The following TSC22D1 variants were observed in gnomAD, a reference collection of about 807,000 sequenced individuals.
TSC22D1 encodes the protein TSC22 domain family member 1, also known as TSC22 domain family protein 1.
In TSC22D1, 9 loss-of-function variants were observed where a neutral mutation model predicts 74.2. The ratio of observed to expected loss-of-function variants is 0.12; its 90% confidence interval spans 0.07 to 0.21. The LOEUF (loss-of-function observed/expected upper bound fraction) is 0.21, where lower values mean the gene tolerates loss of function less well. Among genes scored for constraint, TSC22D1 ranks in the 10% least tolerant of loss-of-function variants. The pLI, the probability that TSC22D1 is intolerant of heterozygous loss-of-function variation, is 1.00. For missense variants in TSC22D1, 1,427 were observed against 1,304.7 expected, an observed-to-expected ratio of 1.09 and a Z score of -1.44; for synonymous variants, 586 against 492.5, an observed-to-expected ratio of 1.19 and a Z score of -2.51.
chr13:44,475,067 G>C (rs1266477520), intron 1 of TSC22D1, among the ~76,000 whole-genome samples: 1 of 151,850 alleles, frequency 6.6e-6, no homozygotes, highest in African/African-American at 2.4e-5. Flanking sequence ...TGTTCCAGAA[G>C]GTAGACAAGA....
At chr13:44,467,450 AACAG>A (rs1223499970) in intron 1 of TSC22D1, among the ~76,000 whole-genome samples, 7 of 152,218 alleles carry the variant, frequency 4.6e-5, no homozygotes, top group Non-Finnish European at 7.3e-5. Context: ...TAACAGAGTA[AACAG>A]ACAAACTACA....
chr13:44,487,939 TC>T (rs1420441603), intron 1 of TSC22D1, among the ~76,000 whole-genome samples: 1 of 152,024 alleles, frequency 6.6e-6, no homozygotes, highest in African/African-American at 2.4e-5. Context: ...ACGCCTGTAA[TC>T]CCAGTTATTT....
In TSC22D1 at chr13:44,521,282, GTGA is replaced by G. The variant is rs538345306; in HGVS notation, c.2912+51878_2912+51880del. Among the ~76,000 whole-genome samples, 577 of 152,222 alleles carry G rather than the reference GTGA, an allele frequency of 3.8e-3. 2 individuals are homozygous for G. The highest frequency in any genetic ancestry group is 6.8e-3 in the Middle Eastern group (2 of 294). ...GCTAAGAAACCTAGGCAATTCCATT[GTGA>G]TGATGTCAAACACAGTGAAAGCTTT... is the stretch of plus-strand genomic sequence containing the variant. On this transcript the variant is annotated intron_variant, in intron 1 of 2. Coordinates refer to ENST00000458659, the MANE Select transcript of TSC22D1 (RefSeq NM_183422.4).
chr13:44,576,744 G>A (rs1566191565), upstream of TSC22D1, among the ~76,000 whole-genome samples: 1 of 151,404 alleles, frequency 6.6e-6, no homozygotes, highest in Non-Finnish European at 1.5e-5. Context: ...TGCGAGCGGG[G>A]CGGCGGCGAG....
At chr13:44,500,150 CCATTTTTAAACTTCCT>C (rs1352496108) in intron 1 of TSC22D1, among the ~76,000 whole-genome samples, 2 of 151,606 alleles carry the variant, frequency 1.3e-5, no homozygotes, top group East Asian at 3.9e-4. Context: ...AACTTACGGC[CCATTTTTAAACTTCCT>C]CATATGCAAT....
chr13:44,436,301 A>T (rs1166078588), intron 1 of TSC22D1: 1 of 903,588 alleles, frequency 1.1e-6, no homozygotes. Context: ...TAAGCCACAA[A>T]GGACTAAATT....
At position 44,574,370 on chromosome 13, in the gene TSC22D1, C is replaced by T; in HGVS notation, c.1705G>A (p.Ala569Thr). The T allele has an allele frequency of 6.2e-7, 1 of 1,614,238 alleles. No homozygotes were observed. Among genetic ancestry groups the T allele is most frequent in the Non-Finnish European group, 8.5e-7 (1 of 1,180,048 alleles). ...ATACCAGTTGCAGCACTCATAGTGG[C>T]TTGCAGAGGTACTGGCTGAAGACCT... ...KQGLQPVPLQATMSAATGIQP... is the reference protein window; with the variant it reads ...KQGLQPVPLQTTMSAATGIQP... The change falls in exon 1 of 3, where the codon GCC (alanine) becomes ACC (threonine). Residue 569 changes from alanine (A) to threonine (T), a missense_variant. By Grantham distance (58) the Ala-to-Thr change is moderately conservative (BLOSUM62 0). This residue lies in a region of TSC22D1 where 1,343 missense variants were observed against 1,191.5 expected (regional missense o/e 1.13). Coordinates refer to ENST00000458659, the MANE Select transcript of TSC22D1 (RefSeq NM_183422.4).
At chr13:44,483,517 A>T (rs1010261090) in intron 1 of TSC22D1, among the ~76,000 whole-genome samples, 5 of 152,028 alleles carry the variant, frequency 3.3e-5, no homozygotes, top group Admixed American at 1.3e-4. Flanking sequence ...AAAAATAAAT[A>T]AAAAAATTAG....
intron 1 of TSC22D1, among the ~76,000 whole-genome samples, chr13:44,543,269 G>A (rs916918855): frequency 6.6e-6 from 1 of 152,080 alleles, no homozygotes; most frequent in Non-Finnish European, 1.5e-5. Flanking sequence ...CAGCTTATTA[G>A]TTTTAAGCAT....
At chr13:44,551,801 T>C (rs187118947) in intron 1 of TSC22D1, among the ~76,000 whole-genome samples, 79 of 152,188 alleles carry the variant, frequency 5.2e-4, no homozygotes, top group Non-Finnish European at 1.2e-4. Context: ...TTTGGGAGAC[T>C]GAGTTGGGAG....
chr13:44,436,137 T>G (rs1161411506), intron 1 of TSC22D1, 42 bp from the exon 2 acceptor site: 2 of 1,594,728 alleles, frequency 1.3e-6, no homozygotes, highest in Non-Finnish European at 1.7e-6. Context: ...AAATGGAATT[T>G]ATCTTAAGCT....
Position 44,432,320 on chromosome 13 carries a change from A to G in TSC22D1, c.*2306T>C, listed in dbSNP as rs980653088. Reference sequence around the variant, plus strand: ...ATTTTTCAAATTTTCCACGATTACCACCTATGGTATTTTAAAGATCTTCAT... The same window carrying G: ...ATTTTTCAAATTTTCCACGATTACCGCCTATGGTATTTTAAAGATCTTCAT... On this transcript the variant is annotated 3_prime_UTR_variant, in exon 3 of 3. Transcript: ENST00000458659. 6.6e-6 allele frequency: 1 copy of G among 152,206 alleles called. No homozygotes were observed. Among genetic ancestry groups the G allele is most frequent in the Non-Finnish European group, 1.5e-5 (1 of 68,038 alleles). 9.4% of individuals were successfully genotyped at this position (152,206 alleles called of 1,614,324 possible).
intron 1 of TSC22D1, among the ~76,000 whole-genome samples, chr13:44,450,103 C>T (rs1876000294): frequency 6.6e-6 from 1 of 150,762 alleles, no homozygotes; most frequent in Non-Finnish European, 1.5e-5. Flanking sequence ...GGGCAGAAGA[C>T]TTACCCTCTG....
intron 1 of TSC22D1, among the ~76,000 whole-genome samples, chr13:44,457,637 CAA>C (rs10692086): frequency 7.8e-4 from 67 of 85,430 alleles, no homozygotes; most frequent in South Asian, 1.0e-3. Context: ...AAGCAAATAG[CAA>C]AAAAAAAAAA....
chr13:44,462,404 A>C (rs1369806977), intron 1 of TSC22D1, among the ~76,000 whole-genome samples: 1 of 152,222 alleles, frequency 6.6e-6, no homozygotes, highest in African/African-American at 2.4e-5. Context: ...GGAAAAAGAA[A>C]GCAGACTTGT....
At chr13:44,459,803 G>T (rs891894127) in intron 1 of TSC22D1, among the ~76,000 whole-genome samples, 1 of 152,190 alleles carries the variant, frequency 6.6e-6, no homozygotes, top group South Asian at 2.1e-4. Flanking sequence ...CCGGCGCCTA[G>T]AGCTGCCTAC....
rs1252419802 is a variant in TSC22D1, at chr13:44,573,989, C to G, written c.2086G>C (p.Val696Leu). The G allele has an allele frequency of 1.2e-6, 2 of 1,613,908 alleles. No individual in the cohort carries two copies. Among genetic ancestry groups the G allele is most frequent in the African/African-American group, 1.3e-5 (1 of 74,950 alleles). Residue 696 changes from valine to leucine, a missense_variant, in exon 1 of 3, where the codon GTG (valine) becomes CTG (leucine). By Grantham distance (32) the Val-to-Leu change is conservative. Coordinates refer to ENST00000458659, the MANE Select transcript of TSC22D1 (RefSeq NM_183422.4). ...TGTGCTGGGACTGCTGTGGGCTGCACTGGCAGCTGGATACCCTGTGGCTGA... is the reference window on the plus strand; with the variant it reads ...TGTGCTGGGACTGCTGTGGGCTGCAGTGGCAGCTGGATACCCTGTGGCTGA... ...VAQPQGIQLP[V>L]QPTAVPAQPA...
chr13:44,506,917 C>G (rs1316429830), intron 1 of TSC22D1, among the ~76,000 whole-genome samples: 1 of 152,164 alleles, frequency 6.6e-6, no homozygotes, highest in Non-Finnish European at 1.5e-5. Flanking sequence ...GTACACAGTG[C>G]CTGCTGTGTA....
intron 1 of TSC22D1, among the ~76,000 whole-genome samples, chr13:44,532,448 A>G (rs1880896592): frequency 6.6e-6 from 1 of 151,896 alleles, no homozygotes; most frequent in African/African-American, 2.4e-5. Flanking sequence ...ACACTAACAG[A>G]AGCTGCAGTG....
Sources: gnomAD v4.1 joint callset for allele counts (sites outside exome capture counted in the v4.1 genomes callset) on GRCh38, gnomAD v4.1.1 for gene constraint, gnomAD v4.1.1 regional missense constraint, MANE v1.5 for transcripts, NCBI Gene and HGNC (gene_info 2026-07-23, HGNC 2026-07-21) for gene names.